PRIM2: variants seen among roughly 807,000 people sequenced by gnomAD.
PRIM2 encodes the protein DNA primase subunit 2.
A neutral mutation model predicts 67.3 loss-of-function variants in PRIM2; 39 were observed. The ratio of observed to expected loss-of-function variants is 0.58; its 90% CI spans 0.45 to 0.76. The LOEUF (loss-of-function observed/expected upper bound fraction) is 0.76, where lower values mean the gene tolerates loss of function less well. PRIM2 is among the 30% of genes least tolerant of loss of function. PRIM2 has a pLI of 0.00. For missense variants in PRIM2, 398 were observed against 598.7 expected, an observed-to-expected ratio of 0.66 and a Z score of 3.50; for synonymous variants, 143 against 198.7, an observed-to-expected ratio of 0.72 and a Z score of 2.36.
intron 10 of PRIM2, among the ~76,000 whole-genome samples, chr6:57,588,361 T>A (rs1307304579): frequency 6.6e-6 from 1 of 151,164 alleles, no homozygotes; most frequent in Non-Finnish European, 1.5e-5. Flanking sequence ...GGGCAGGAAG[T>A]GAGGTCATGT....
At chr6:57,428,261 AATTG>A (rs1336238054) in intron 7 of PRIM2, among the ~76,000 whole-genome samples, 1 of 152,170 alleles carries the variant, frequency 6.6e-6, no homozygotes, top group African/African-American at 2.4e-5. Context: ...CTCTGCAGTA[AATTG>A]ATTATGAATC....
intron 5 of PRIM2, among the ~76,000 whole-genome samples, chr6:57,376,693 A>G (rs1161847177): frequency 2.6e-5 from 4 of 151,566 alleles, no homozygotes; most frequent in African/African-American, 9.7e-5. Flanking sequence ...TGTTTAGGGT[A>G]TCTCTGTTAA....
At chr6:57,481,165 T>C (rs1773618789) in intron 7 of PRIM2, among the ~76,000 whole-genome samples, 1 of 152,192 alleles carries the variant, frequency 6.6e-6, no homozygotes, top group South Asian at 2.1e-4. Flanking sequence ...CTATGCTGTC[T>C]TATCATGTGA....
chr6:57,270,833 A>T, the PRIM2 span, among the ~76,000 whole-genome samples: 3 of 152,176 alleles, frequency 2.0e-5, no homozygotes, highest in East Asian at 5.8e-4. Flanking sequence ...AGTTTTTAGC[A>T]TGAAGCGTTG....
the PRIM2 span, among the ~76,000 whole-genome samples, chr6:57,241,686 G>GTTTTTTT: frequency 2.3e-5 from 1 of 43,090 alleles, no homozygotes; most frequent in African/African-American, 6.9e-5. Flanking sequence ...GCAGAACTAT[G>GTTTTTTT]TATTTTTTTT....
intron 7 of PRIM2, among the ~76,000 whole-genome samples, chr6:57,500,600 C>T (rs1774111564): frequency 6.6e-6 from 1 of 152,172 alleles, no homozygotes; most frequent in Non-Finnish European, 1.5e-5. Flanking sequence ...AACACAATTT[C>T]AACATCTTTC....
At position 57,601,170 on chromosome 6, in the gene PRIM2, T is replaced by A. The variant is rs1244649253; in HGVS notation, c.1098T>A (p.Ser366Arg). 146 of 1,612,750 alleles carry A rather than the reference T, an allele frequency of 9.1e-5. No individual in the cohort carries two copies. In the Middle Eastern group the frequency reaches 1.2e-3, roughly 13 times the overall value. Residue 366 changes from serine to arginine, a missense_variant, in exon 11 of 14, where the codon AGT (serine) becomes AGA (arginine). Physicochemically the swap from Ser to Arg is moderately radical, Grantham distance 110 (BLOSUM62 -1). Transcript: ENST00000615550. ...AGAGGACAGACTATACACCTTTCAG[T>A]TGCCTGAAGATTATTCTGTCCAATC... ...EGKRTDYTPFSCLKIILSNPP... is the reference protein window; with the variant it reads ...EGKRTDYTPFRCLKIILSNPP...
intron 13 of PRIM2, among the ~76,000 whole-genome samples, chr6:57,644,097 G>C (rs1777293060): frequency 6.6e-6 from 1 of 152,164 alleles, no homozygotes; most frequent in Non-Finnish European, 1.5e-5. Context: ...TGGTGACTCT[G>C]TGTTGCCTAG....
In PRIM2 at chr6:57,456,727, G is replaced by T. The variant is rs1203581418; in HGVS notation, c.694-50660G>T. On this transcript the variant is annotated intron_variant, in intron 7 of 13. Coordinates refer to ENST00000615550, the MANE Select transcript of PRIM2 (RefSeq NM_000947.5). ...AAGGTTTTTAACTTCTTTGCCATGG[G>T]TTCGAACTTCCTCCTGCAGCTTGGA... 1.3e-3 allele frequency among the ~76,000 whole-genome samples: 190 copies of T among 151,986 alleles called. 5 individuals are homozygous for T. The East Asian group carries it at 0.016, about 13-fold the overall frequency.
At chr6:57,422,573 A>T (rs865801434) in intron 7 of PRIM2, among the ~76,000 whole-genome samples, 2 of 152,188 alleles carry the variant, frequency 1.3e-5, no homozygotes, top group African/African-American at 2.4e-5. Context: ...ATGTAAAGAT[A>T]CATCAATGAA....
At chr6:57,401,554 G>A (rs546784869) in intron 7 of PRIM2, among the ~76,000 whole-genome samples, 76 of 152,286 alleles carry the variant, frequency 5.0e-4, no homozygotes, top group African/African-American at 1.8e-3. Context: ...AGTGCTGGCT[G>A]TAGATTGCAG....
the PRIM2 span, among the ~76,000 whole-genome samples, chr6:57,232,901 A>C: frequency 1.3e-5 from 2 of 152,232 alleles, no homozygotes; most frequent in Non-Finnish European, 2.9e-5. Flanking sequence ...GCAAACTGAG[A>C]AGTACTAAGG....
chr6:57,553,515 G>A (rs1775445805), intron 10 of PRIM2, among the ~76,000 whole-genome samples: 1 of 152,156 alleles, frequency 6.6e-6, no homozygotes, highest in Non-Finnish European at 1.5e-5. Context: ...AGATCATGAA[G>A]TCTTTGTTTT....
At chr6:57,293,789 G>A in the PRIM2 span, among the ~76,000 whole-genome samples, 1 of 144,372 alleles carries the variant, frequency 6.9e-6, no homozygotes, top group African/African-American at 2.6e-5. Context: ...TGGACAATGA[G>A]AACAAATGGA....
intron 9 of PRIM2, among the ~76,000 whole-genome samples, chr6:57,535,833 C>G (rs1774990645): frequency 6.6e-6 from 1 of 151,848 alleles, no homozygotes; most frequent in Non-Finnish European, 1.5e-5. Flanking sequence ...CTGCTGCACT[C>G]CAGCCTGGGC....
chr6:57,546,197 C>T lies in PRIM2; in HGVS notation c.1020+8572C>T, dbSNP rs1215493783. 9.9e-5 allele frequency among the ~76,000 whole-genome samples: 15 copies of T among 152,232 alleles called. No homozygotes were observed. The East Asian group carries it at 2.5e-3, about 25-fold the overall frequency. ...TCCACTTGGTTCAAATTAATTTCGC[C>T]TAACTTTGGATTTCTGATTATATAG... On this transcript the variant is annotated intron_variant, in intron 10 of 13. Transcript: ENST00000615550.
intron 10 of PRIM2, among the ~76,000 whole-genome samples, chr6:57,595,611 T>G (rs1179614001): frequency 3.9e-5 from 6 of 152,170 alleles, no homozygotes; most frequent in African/African-American, 1.4e-4. Flanking sequence ...CTTCTCAGGT[T>G]CAGTAATGTG....
intron 5 of PRIM2, among the ~76,000 whole-genome samples, chr6:57,372,527 C>T (rs1769600202): frequency 6.6e-6 from 1 of 152,132 alleles, no homozygotes; most frequent in Non-Finnish European, 1.5e-5. Context: ...TAAACTTCAT[C>T]CTCTGCTGTA....
chr6:57,352,284 A>G (rs1768881930), intron 5 of PRIM2, among the ~76,000 whole-genome samples: 1 of 152,168 alleles, frequency 6.6e-6, no homozygotes, highest in Non-Finnish European at 1.5e-5. Flanking sequence ...TCTGTTGCCC[A>G]GGCTGGAGTG....
Sources: allele counts gnomAD v4.1 joint callset (sites outside exome capture counted in the v4.1 genomes callset), GRCh38; gene constraint gnomAD v4.1.1; transcripts MANE v1.5; gene names NCBI Gene and HGNC (gene_info 2026-07-23, HGNC 2026-07-21).